Variants in HIVEP3 observed in about 807,000 individuals in gnomAD.
HIVEP3 encodes the protein transcription factor HIVEP3.
In HIVEP3, 49 loss-of-function variants were observed where a neutral mutation model predicts 152.8. The ratio of observed to expected loss-of-function variants is 0.32; its 90% CI spans 0.26 to 0.41. HIVEP3 has a LOEUF of 0.41. HIVEP3 is among the 10% of genes least tolerant of loss of function. HIVEP3 has a pLI of 1.00. For synonymous variants in HIVEP3, 1,269 were observed against 1,289.0 expected, an observed-to-expected ratio of 0.98 and a Z score of 0.33; for missense variants, 2,790 against 3,103.3, an observed-to-expected ratio of 0.90 and a Z score of 2.40.
chr1:41,753,377 T>C (rs552142347), intron 1 of HIVEP3, among the ~76,000 whole-genome samples: 64 of 152,276 alleles, frequency 4.2e-4, no homozygotes, highest in African/African-American at 1.5e-3. Flanking sequence ...TTGGAAGCAA[T>C]GGGCCGGGCA....
chr1:41,634,909 A>G (rs1645246953), intron 2 of HIVEP3, among the ~76,000 whole-genome samples: 1 of 152,244 alleles, frequency 6.6e-6, no homozygotes, highest in Non-Finnish European at 1.5e-5. Flanking sequence ...CTTGAGCATT[A>G]TTATTTGAAA....
intron 2 of HIVEP3, among the ~76,000 whole-genome samples, chr1:41,658,196 G>T (rs914400464): frequency 2.6e-5 from 4 of 152,146 alleles, no homozygotes; most frequent in Non-Finnish European, 4.4e-5. Context: ...ACTCAAAACC[G>T]CTGAGACCTT....
intron 5 of HIVEP3, among the ~76,000 whole-genome samples, chr1:41,562,193 A>G (rs1644075861): frequency 6.6e-6 from 1 of 152,210 alleles, no homozygotes; most frequent in East Asian, 1.9e-4. Flanking sequence ...TCAAAGAGCA[A>G]AGGAACTGGC....
At chr1:41,722,831 A>T (rs1387206232) in intron 1 of HIVEP3, among the ~76,000 whole-genome samples, 1 of 152,066 alleles carries the variant, frequency 6.6e-6, no homozygotes, top group Non-Finnish European at 1.5e-5. Flanking sequence ...CTAAACTGAG[A>T]CTTGAATATT....
chr1:41,878,574 C>T (rs1470108364), intron 1 of HIVEP3, among the ~76,000 whole-genome samples: 1 of 152,158 alleles, frequency 6.6e-6, no homozygotes, highest in Non-Finnish European at 1.5e-5. Context: ...GAAGAAAACA[C>T]CACACTCACA....
intron 1 of HIVEP3, among the ~76,000 whole-genome samples, chr1:41,757,510 G>A (rs767609964): frequency 4.6e-5 from 7 of 151,804 alleles, no homozygotes; most frequent in Non-Finnish European, 1.0e-4. Context: ...GCTGTAGTGA[G>A]CTATGCTCAT....
chr1:41,940,846 GGA>G (rs936385378), intron 1 of HIVEP3, among the ~76,000 whole-genome samples: 18 of 151,838 alleles, frequency 1.2e-4, no homozygotes, highest in Admixed American at 5.3e-4. Flanking sequence ...TAAAGACAGA[GGA>G]GAGAGAGGGG....
chr1:41,848,677 C>T (rs915903974), intron 1 of HIVEP3, among the ~76,000 whole-genome samples: 1 of 152,148 alleles, frequency 6.6e-6, no homozygotes, highest in African/African-American at 2.4e-5. Context: ...AGAAAGAGGG[C>T]AGAAGGCGAG....
intron 5 of HIVEP3, among the ~76,000 whole-genome samples, chr1:41,563,822 G>C (rs960718853): frequency 6.6e-6 from 1 of 152,004 alleles, no homozygotes. Flanking sequence ...AACAACTAAC[G>C]TTAATAGCCT....
rs967896752 is a variant in HIVEP3, at chr1:41,533,815, G to T, written c.5208-8905C>A. Among the ~76,000 whole-genome samples, 1 of 151,888 alleles carries T rather than the reference G, an allele frequency of 6.6e-6. No homozygotes were observed. Among genetic ancestry groups the T allele is most frequent in the African/African-American group, 2.4e-5 (1 of 41,350 alleles). On this transcript the variant is annotated intron_variant, in intron 5 of 8. Coordinates refer to ENST00000372583, the MANE Select transcript of HIVEP3 (RefSeq NM_024503.5). This position sits in a 1 kb window ranked among gnomAD's most constrained non-coding sequence, Gnocchi z 4.3. Reference sequence around the variant, plus strand: ...CCCAGCCACTTCTCTCTCGAGTTCCGATGCCTTTGCTATACATCTAACTGC... The same window carrying T: ...CCCAGCCACTTCTCTCTCGAGTTCCTATGCCTTTGCTATACATCTAACTGC...
chr1:41,746,031 T>C (rs1267093165), intron 1 of HIVEP3, among the ~76,000 whole-genome samples: 1 of 152,224 alleles, frequency 6.6e-6, no homozygotes, highest in Non-Finnish European at 1.5e-5. Context: ...CTGGCTGAGA[T>C]GATTCTGGGG....
At chr1:41,920,586 T>TTTTG (rs1557522940), upstream of HIVEP3, among the ~76,000 whole-genome samples, 1 of 147,112 alleles carries the variant, frequency 6.8e-6, no homozygotes, top group East Asian at 1.9e-4. Context: ...GGTTTTTTTT[T>TTTTG]TTTTGTTTTG....
intron 5 of HIVEP3, among the ~76,000 whole-genome samples, chr1:41,561,708 C>T (rs60485571): frequency 0.024 from 3,531 of 148,500 alleles, 151 homozygotes; most frequent in African/African-American, 0.08. Context: ...AGAGACAAGG[C>T]TTTACCACGT....
chr1:41,949,208 A>G (rs1430187807), intron 1 of HIVEP3, among the ~76,000 whole-genome samples: 1 of 152,170 alleles, frequency 6.6e-6, no homozygotes, highest in Non-Finnish European at 1.5e-5. Context: ...GACCATCTAC[A>G]CTGAGCAAGA....
chr1:41,714,543 C>T (rs1646561577), intron 1 of HIVEP3, among the ~76,000 whole-genome samples: 1 of 152,138 alleles, frequency 6.6e-6, no homozygotes, highest in Non-Finnish European at 1.5e-5. Context: ...TTTGCTGATT[C>T]CAGAACACGG....
rs1469818517 is a variant in HIVEP3, at chr1:41,664,641, G to A, written c.-720-35694C>T. 6.6e-6 allele frequency among the ~76,000 whole-genome samples: 1 copy of A among 152,162 alleles called. No individual in the cohort carries two copies. Among genetic ancestry groups the A allele is most frequent in the Non-Finnish European group, 1.5e-5 (1 of 68,026 alleles). ...TGTTAAGTGAATGAATGGTCCTGAG[G>A]GGCAAATCCTAAGACAAACTAACCA... is the stretch of plus-strand genomic sequence containing the variant. On this transcript the variant is annotated intron_variant, in intron 2 of 8. Coordinates refer to ENST00000372583, the MANE Select transcript of HIVEP3 (RefSeq NM_024503.5). The surrounding 1 kb of genome is among the most constrained non-coding windows in gnomAD (Gnocchi z 4.4).
intron 1 of HIVEP3, among the ~76,000 whole-genome samples, chr1:41,759,920 A>T (rs1165676948): frequency 5.9e-5 from 9 of 152,218 alleles, no homozygotes; most frequent in Admixed American, 5.9e-4. Context: ...ATATTAGAGT[A>T]GTAGGGGGTA....
chr1:41,554,271 C>T (rs138418739), intron 5 of HIVEP3, among the ~76,000 whole-genome samples: 34 of 152,276 alleles, frequency 2.2e-4, no homozygotes, highest in African/African-American at 7.7e-4. Context: ...GATACCCTTT[C>T]TTCCATTGGC....
chr1:41,955,519 A>G (rs1570842127), intron 1 of HIVEP3, among the ~76,000 whole-genome samples: 1 of 152,162 alleles, frequency 6.6e-6, no homozygotes, highest in Admixed American at 6.5e-5. Flanking sequence ...TCATATTAAA[A>G]CCAACCACAA....
Sources: allele counts gnomAD v4.1 joint callset (sites outside exome capture counted in the v4.1 genomes callset), GRCh38; gene constraint gnomAD v4.1.1; non-coding constraint Gnocchi (gnomAD v3.1); transcripts MANE v1.5; gene names NCBI Gene and HGNC (gene_info 2026-07-23, HGNC 2026-07-21).